SLC24A2: variants seen among roughly 807,000 people sequenced by gnomAD.
SLC24A2 encodes sodium/potassium/calcium exchanger 2.
SLC24A2 carries 36 observed loss-of-function variants against 62.0 expected under a neutral mutation model. The observed-to-expected ratio is 0.58, with a 90% CI of 0.44 to 0.77. SLC24A2 has a LOEUF of 0.77. Among genes scored for constraint, SLC24A2 ranks in the 30% least tolerant of loss-of-function variants. The probability of loss-of-function intolerance (pLI) is 0.00; values close to 1 mark genes in which losing one functional copy is unlikely to be tolerated. For synonymous variants in SLC24A2, 358 were observed against 294.0 expected (o/e 1.22, Z -2.23); for missense variants, 846 against 817.9 (o/e 1.03, Z -0.42).
chr9:20,059,462 A>G, the SLC24A2 span, among the ~76,000 whole-genome samples: 1 of 152,220 alleles, frequency 6.6e-6, no homozygotes, highest in African/African-American at 2.4e-5. Flanking sequence ...TTTTCCAACC[A>G]TAATGGAATA....
At chr9:19,617,661 A>G (rs1169080595) in intron 4 of SLC24A2, among the ~76,000 whole-genome samples, 1 of 152,204 alleles carries the variant, frequency 6.6e-6, no homozygotes, top group Admixed American at 6.5e-5. Context: ...AGAAAGCAGT[A>G]TGGCCTGTTT....
intron 2 of SLC24A2, among the ~76,000 whole-genome samples, chr9:19,704,898 G>A (rs1054586061): frequency 3.3e-5 from 5 of 151,680 alleles, no homozygotes; most frequent in Admixed American, 1.3e-4. Context: ...GAAACAGATC[G>A]GTTTCCCTTA....
At chr9:19,636,304 CTTTTCT>C (rs1818320289) in intron 2 of SLC24A2, among the ~76,000 whole-genome samples, 2 of 42,546 alleles carry the variant, frequency 4.7e-5, no homozygotes, top group African/African-American at 2.0e-4. Flanking sequence ...CTTTTCTTTT[CTTTTCT>C]TTTCTTTTCT....
the SLC24A2 span, among the ~76,000 whole-genome samples, chr9:20,270,765 A>G: frequency 6.6e-6 from 1 of 152,240 alleles, no homozygotes; most frequent in Non-Finnish European, 1.5e-5. Flanking sequence ...TGGAGTTCAC[A>G]TTCTAGTGGA....
At chr9:19,920,559 G>A in the SLC24A2 span, among the ~76,000 whole-genome samples, 100 of 152,226 alleles carry the variant, frequency 6.6e-4, 2 homozygotes, top group South Asian at 0.016. Flanking sequence ...GAGGGCCAAC[G>A]TACCGCTATG....
At chr9:19,636,297 T>C (rs1818317969) in intron 2 of SLC24A2, among the ~76,000 whole-genome samples, 3 of 41,532 alleles carry the variant, frequency 7.2e-5, no homozygotes, top group Non-Finnish European at 9.7e-5. Flanking sequence ...TTCTTTTCTT[T>C]TCTTTTCTTT....
the SLC24A2 span, among the ~76,000 whole-genome samples, chr9:20,295,083 T>C: frequency 2.2e-3 from 274 of 124,628 alleles, 1 homozygote; most frequent in African/African-American, 8.8e-3. Flanking sequence ...CACACACACA[T>C]ACACAGTGTG....
the SLC24A2 span, among the ~76,000 whole-genome samples, chr9:19,848,525 G>C: frequency 6.6e-6 from 1 of 152,160 alleles, no homozygotes; most frequent in Admixed American, 6.5e-5. Context: ...TATATGTAAA[G>C]TATTGTGTGT....
intron 2 of SLC24A2, among the ~76,000 whole-genome samples, chr9:19,756,408 T>C (rs1822141465): frequency 6.6e-6 from 1 of 152,212 alleles, no homozygotes; most frequent in African/African-American, 2.4e-5. Flanking sequence ...TCTTTGCAAA[T>C]ATTCAAAGCT....
At chr9:19,987,120 T>C in the SLC24A2 span, among the ~76,000 whole-genome samples, 1 of 152,236 alleles carries the variant, frequency 6.6e-6, no homozygotes, top group Middle Eastern at 3.4e-3. Context: ...GAAGAGCTGA[T>C]GCTCTGTTGA....
chr9:19,909,427 C>G, the SLC24A2 span, among the ~76,000 whole-genome samples: 1 of 151,936 alleles, frequency 6.6e-6, no homozygotes, highest in Admixed American at 6.6e-5. Flanking sequence ...CACATGTATA[C>G]ATATGTAACA....
intron 4 of SLC24A2, among the ~76,000 whole-genome samples, chr9:19,612,205 G>A (rs1306630780): frequency 6.6e-6 from 1 of 152,180 alleles, no homozygotes; most frequent in African/African-American, 2.4e-5. Context: ...ACTCTCTGGA[G>A]CAAGCAAGAT....
At chr9:20,305,299 G>T in the SLC24A2 span, among the ~76,000 whole-genome samples, 1 of 151,916 alleles carries the variant, frequency 6.6e-6, no homozygotes, top group Non-Finnish European at 1.5e-5. Context: ...GTAGAGATGA[G>T]GTTTCACCAT....
chr9:20,073,919 G>GATATATATATATATATATATAT, the SLC24A2 span, among the ~76,000 whole-genome samples: 19 of 140,770 alleles, frequency 1.3e-4, no homozygotes, highest in African/African-American at 4.7e-4. Flanking sequence ...CTTGTGGGGA[G>GATATATATATATATATATATAT]ATATATATAT....
At chr9:20,021,997 T>C in the SLC24A2 span, among the ~76,000 whole-genome samples, 1 of 152,196 alleles carries the variant, frequency 6.6e-6, no homozygotes, top group Non-Finnish European at 1.5e-5. Context: ...GCCTTACCTG[T>C]TTCTTCCAAT....
At chr9:19,852,205 C>T in the SLC24A2 span, among the ~76,000 whole-genome samples, 1 of 151,918 alleles carries the variant, frequency 6.6e-6, no homozygotes, top group Non-Finnish European at 1.5e-5. Context: ...TGTTTAAGTT[C>T]CTTGTAGATT....
the SLC24A2 span, among the ~76,000 whole-genome samples, chr9:20,060,363 G>C: frequency 6.6e-6 from 1 of 152,006 alleles, no homozygotes; most frequent in East Asian, 1.9e-4. Context: ...GAAAACTATA[G>C]TTCAATATTC....
At chr9:20,056,026 T>C in the SLC24A2 span, among the ~76,000 whole-genome samples, 1 of 152,238 alleles carries the variant, frequency 6.6e-6, no homozygotes, top group African/African-American at 2.4e-5. Context: ...AATTGAAGTT[T>C]ACCATACAAA....
At chr9:19,681,822 T>C (rs35104292) in intron 2 of SLC24A2, among the ~76,000 whole-genome samples, 27,783 of 152,182 alleles carry the variant, frequency 0.18, 2,858 homozygotes, top group Middle Eastern at 0.24. Context: ...GATCTATAGA[T>C]TAGTGAGTGG....
Sources: allele counts gnomAD v4.1 joint callset (sites outside exome capture counted in the v4.1 genomes callset), GRCh38; gene constraint gnomAD v4.1.1; transcripts MANE v1.5; gene names NCBI Gene and HGNC (gene_info 2026-07-23, HGNC 2026-07-21).